Variants in SLC24A3 observed in about 807,000 individuals in gnomAD.
SLC24A3 encodes the protein sodium/potassium/calcium exchanger 3.
SLC24A3 carries 28 observed loss-of-function variants against 75.8 expected under a neutral mutation model. That is an observed-to-expected ratio of 0.37 (90% CI 0.27 to 0.51). The LOEUF (loss-of-function observed/expected upper bound fraction) is 0.51, where lower values mean the gene tolerates loss of function less well. Ranked by LOEUF, SLC24A3 falls within the 20% of genes least tolerant of loss-of-function variation. SLC24A3 has a pLI of 0.94. For synonymous variants in SLC24A3, 372 were observed against 334.1 expected (o/e 1.11, Z -1.24); for missense variants, 663 against 847.8 (o/e 0.78, Z 2.71).
intron 6 of SLC24A3, among the ~76,000 whole-genome samples, chr20:19,616,620 G>C (rs1421840196): frequency 6.6e-6 from 1 of 152,124 alleles, no homozygotes; most frequent in African/African-American, 2.4e-5. Flanking sequence ...TGAATGAAAA[G>C]TTTCCATGGT....
At chr20:19,367,759 C>T (rs1224142730) in intron 2 of SLC24A3, among the ~76,000 whole-genome samples, 1 of 152,160 alleles carries the variant, frequency 6.6e-6, no homozygotes, top group Non-Finnish European at 1.5e-5. Context: ...CATGAAACAT[C>T]CCAGACAAGG....
intron 3 of SLC24A3, among the ~76,000 whole-genome samples, chr20:19,532,456 T>C (rs1057374987): frequency 6.6e-6 from 1 of 152,170 alleles, no homozygotes; most frequent in Non-Finnish European, 1.5e-5. Flanking sequence ...TGGGGCCCCA[T>C]CTTGGAAATG....
intron 7 of SLC24A3, among the ~76,000 whole-genome samples, chr20:19,659,829 T>C (rs1279393521): frequency 6.6e-6 from 1 of 152,168 alleles, no homozygotes; most frequent in Non-Finnish European, 1.5e-5. Context: ...CCACTCCCCC[T>C]GTTAGAGACG....
chr20:19,255,282 T>C (rs1165782589), intron 1 of SLC24A3, among the ~76,000 whole-genome samples: 1 of 152,190 alleles, frequency 6.6e-6, no homozygotes, highest in African/African-American at 2.4e-5. Context: ...TGCCTGTCAG[T>C]GGTGGCTGCT....
At chr20:19,621,790 T>C (rs1172773616) in intron 6 of SLC24A3, among the ~76,000 whole-genome samples, 1 of 152,188 alleles carries the variant, frequency 6.6e-6, no homozygotes, top group African/African-American at 2.4e-5. Context: ...AGTCTTCTGC[T>C]CTTTCCGTCT....
At chr20:19,348,876 C>A (rs577328440) in intron 2 of SLC24A3, among the ~76,000 whole-genome samples, 2 of 152,264 alleles carry the variant, frequency 1.3e-5, no homozygotes, top group South Asian at 4.1e-4. Context: ...CATTGTGTAT[C>A]TGCTTCTTAT....
At chr20:19,378,696 C>T (rs904900510) in intron 2 of SLC24A3, among the ~76,000 whole-genome samples, 5 of 152,136 alleles carry the variant, frequency 3.3e-5, no homozygotes, top group East Asian at 1.9e-4. Flanking sequence ...GATTTGCTAA[C>T]GAGACACACA....
At chr20:19,481,974 C>T (rs1029302071) in intron 2 of SLC24A3, among the ~76,000 whole-genome samples, 1 of 152,136 alleles carries the variant, frequency 6.6e-6, no homozygotes, top group Non-Finnish European at 1.5e-5. Flanking sequence ...CCCAGTCTTC[C>T]TCCCGGGTTC....
chr20:19,544,371 C>A (rs1034241823), intron 3 of SLC24A3, among the ~76,000 whole-genome samples: 1 of 152,192 alleles, frequency 6.6e-6, no homozygotes, highest in Non-Finnish European at 1.5e-5. Context: ...CCTTTTCATT[C>A]TCTGCCTTAG....
chr20:19,297,120 CAT>C (rs1311560998), intron 2 of SLC24A3, among the ~76,000 whole-genome samples: 2 of 152,220 alleles, frequency 1.3e-5, no homozygotes, highest in Non-Finnish European at 2.9e-5. Flanking sequence ...GCTATTATCA[CAT>C]GTTTATCCCT....
intron 15 of SLC24A3, 110 bp downstream of exon 15, chr20:19,698,790 T>C (rs2032840581): frequency 2.5e-6 from 2 of 804,550 alleles, no homozygotes; most frequent in Non-Finnish European, 2.0e-6. Flanking sequence ...GTAGAAATCG[T>C]AATATTGAGG....
intron 9 of SLC24A3, among the ~76,000 whole-genome samples, chr20:19,680,378 G>A (rs921743759): frequency 1.3e-5 from 2 of 152,102 alleles, no homozygotes; most frequent in African/African-American, 4.8e-5. Flanking sequence ...GTCCCAAGTG[G>A]TGGTAAAGTT....
chr20:19,677,675 C>CTT (rs1023611195), intron 9 of SLC24A3, among the ~76,000 whole-genome samples: 1 of 95,602 alleles, frequency 1.0e-5, no homozygotes. Flanking sequence ...TTTTAGGATT[C>CTT]TTTTTTTTTT....
intron 3 of SLC24A3, among the ~76,000 whole-genome samples, chr20:19,544,009 G>A (rs2030547433): frequency 6.6e-6 from 1 of 152,192 alleles, no homozygotes; most frequent in Non-Finnish European, 1.5e-5. Flanking sequence ...CAGGTGAAGA[G>A]TTTTGATGTT....
chr20:19,549,059 G>A (rs1310394914), intron 3 of SLC24A3, among the ~76,000 whole-genome samples: 1 of 152,180 alleles, frequency 6.6e-6, no homozygotes, highest in Non-Finnish European at 1.5e-5. Flanking sequence ...CGGCCAGCCA[G>A]CAGGAATAAA....
At chr20:19,302,645 A>G (rs150631548) in intron 2 of SLC24A3, among the ~76,000 whole-genome samples, 169 of 152,308 alleles carry the variant, frequency 1.1e-3, no homozygotes, top group African/African-American at 3.7e-3. Context: ...TTTTTGCCTC[A>G]TATATAAGTA....
chr20:19,584,863 G>C, intron 4 of SLC24A3, 108 bp from the exon 5 acceptor site: 1 of 949,144 alleles, frequency 1.1e-6, no homozygotes, highest in Non-Finnish European at 1.6e-6. Flanking sequence ...TACTCTCGCT[G>C]AAGCCCCAGT....
chr20:19,679,666 G>T (rs141609276), intron 9 of SLC24A3, among the ~76,000 whole-genome samples: 1 of 152,120 alleles, frequency 6.6e-6, no homozygotes, highest in African/African-American at 2.4e-5. Context: ...CCACATTATC[G>T]TCATACGTAA....
At chr20:19,388,287 A>T (rs1321406114) in intron 2 of SLC24A3, among the ~76,000 whole-genome samples, 6 of 152,130 alleles carry the variant, frequency 3.9e-5, no homozygotes, top group Non-Finnish European at 8.8e-5. Flanking sequence ...CTGGTGTTGG[A>T]TGTAAATGTA....
Sources: allele counts gnomAD v4.1 joint callset (sites outside exome capture counted in the v4.1 genomes callset), GRCh38; gene constraint gnomAD v4.1.1; transcripts MANE v1.5; gene names NCBI Gene and HGNC (gene_info 2026-07-23, HGNC 2026-07-21).